The following SLTM variants were observed in gnomAD, a reference collection of about 807,000 sequenced individuals.
SLTM encodes the protein SAFB like transcription modulator.
In SLTM, 43 loss-of-function variants were observed where a neutral mutation model predicts 134.6. That is an observed-to-expected ratio of 0.32 (90% confidence interval 0.25 to 0.41). SLTM has a LOEUF of 0.41. Among genes scored for constraint, SLTM ranks in the 10% least tolerant of loss-of-function variants. The pLI is 1.00. For missense variants in SLTM, 1,055 were observed against 1,288.8 expected (o/e 0.82, Z 2.78); for synonymous variants, 424 against 432.3 (o/e 0.98, Z 0.24).
rs776075802 is a variant in SLTM at position 58,933,530 on chromosome 15, G to A, written c.36C>T (p.Ala12=). ...AAATGAVAAS[A]ASGQAEGKKI... ...TTTTACCTTCCGCCTGACCCGAGGC[G>A]GCCGAGGCTGCCACCGCACCGGTAG... The change falls in exon 1 of 21, where the codon GCC becomes GCT. Residue 12 remains alanine (A), a synonymous_variant. Transcript: ENST00000380516. The A allele has an allele frequency of 1.3e-6, 2 of 1,596,172 alleles. No individual in the cohort carries two copies. The highest frequency in any genetic ancestry group is 1.7e-6 in the Non-Finnish European group (2 of 1,172,626).
chr15:58,896,553 T>A (rs1446372624), intron 9 of SLTM, among the ~76,000 whole-genome samples: 2 of 151,936 alleles, frequency 1.3e-5, no homozygotes, highest in African/African-American at 4.8e-5. Flanking sequence ...ACAGTGAGAC[T>A]GTGTCTCAAA....
intron 3 of SLTM, among the ~76,000 whole-genome samples, chr15:58,915,315 GAC>G (rs1366212950): frequency 6.6e-6 from 1 of 152,184 alleles, no homozygotes; most frequent in Non-Finnish European, 1.5e-5. Flanking sequence ...ACATATAAGA[GAC>G]AGTACTATTG....
rs754021814 is a variant in SLTM at position 58,899,895 on chromosome 15, G to A, written c.632C>T (p.Pro211Leu). 58 of 1,613,632 alleles carry A rather than the reference G, an allele frequency of 3.6e-5. No homozygotes were observed. In the Admixed American group the frequency reaches 5.2e-4, roughly 14 times the overall value. Reference protein sequence around the residue: ...SGDGTQEVSKPLPSEGSLAEA... With the variant: ...SGDGTQEVSKLLPSEGSLAEA... ...AGCTAGGCTCCCTTCTGAAGGAAGA[G>A]GTTTAGATACTTCTTGTGTACCATC... The change falls in exon 7 of 21, where the codon CCT becomes CTT. Residue 211 changes from proline to leucine, a missense_variant. Pro to Leu is a moderately conservative substitution (Grantham distance 98). This residue lies in a region of SLTM where 268 missense variants were observed against 284.3 expected (regional missense o/e 0.94). Coordinates refer to ENST00000380516, the MANE Select transcript of SLTM (RefSeq NM_024755.4). This position sits in a 1 kb window ranked among gnomAD's most constrained non-coding sequence, Gnocchi z 5.0.
Position 58,892,895 on chromosome 15 carries a change from A to C in SLTM, c.1898+2T>G, listed in dbSNP as rs1595852206. On this transcript the variant is annotated splice_donor_variant, in intron 14 of 20. Coordinates refer to ENST00000380516, the MANE Select transcript of SLTM (RefSeq NM_024755.4). LOFTEE classifies it high-confidence loss of function. ...CAGGTATAAAACAGACTCTCTTCCTACCTTCGAAGTTCCATTGCTCGTCGC... is the reference window on the plus strand; with the variant it reads ...CAGGTATAAAACAGACTCTCTTCCTCCCTTCGAAGTTCCATTGCTCGTCGC... 1 of 1,612,766 alleles carries C rather than the reference A, an allele frequency of 6.2e-7. No homozygotes were observed. Among genetic ancestry groups the C allele is most frequent in the East Asian group, 2.2e-5 (1 of 44,842 alleles).
Position 58,892,703 on chromosome 15 carries a change from G to A in SLTM, c.1898+194C>T, listed in dbSNP as rs2034761231. Among the ~76,000 whole-genome samples, 4 of 152,290 alleles carry A rather than the reference G, an allele frequency of 2.6e-5. No individual in the cohort carries two copies. The South Asian group carries it at 8.3e-4, about 32-fold the overall frequency. On this transcript the variant is annotated intron_variant, in intron 14 of 20. Transcript: ENST00000380516. Reference sequence around the variant, plus strand: ...AGCCTTACAGAACTGTTGAGTTGGAGACAACAGATGGAAAAGCACTTTGTA... The same window carrying A: ...AGCCTTACAGAACTGTTGAGTTGGAAACAACAGATGGAAAAGCACTTTGTA...
chr15:58,887,323 T>G lies in SLTM; in HGVS notation c.2593A>C (p.Thr865Pro), dbSNP rs760129183. The change falls in exon 18 of 21, where the codon ACT becomes CCT. Residue 865 changes from threonine to proline, a missense_variant. Coordinates refer to ENST00000380516, the MANE Select transcript of SLTM (RefSeq NM_024755.4). ...GCCTCTCGAGGATGTCTAGGATGAGTGATATCAGGCCTGTCATGAATAATC... is the reference window on the plus strand; with the variant it reads ...GCCTCTCGAGGATGTCTAGGATGAGGGATATCAGGCCTGTCATGAATAATC... ...TVIIHDRPDITHPRHPREAGP... is the reference protein window; with the variant it reads ...TVIIHDRPDIPHPRHPREAGP... 2 of 1,614,050 alleles carry G rather than the reference T, an allele frequency of 1.2e-6. No homozygotes were observed. The highest frequency in any genetic ancestry group is 2.2e-5 in the South Asian group (2 of 91,074).
intron 5 of SLTM, among the ~76,000 whole-genome samples, chr15:58,904,867 C>T (rs960680906): frequency 1.3e-5 from 2 of 152,118 alleles, no homozygotes; most frequent in Admixed American, 6.5e-5. Context: ...CGTACCACTA[C>T]GCCCAGCTAA....
At chr15:58,890,536 T>G in intron 14 of SLTM, 75 bp from the exon 15 acceptor site, 1 of 1,445,260 alleles carries the variant, frequency 6.9e-7, no homozygotes, top group Non-Finnish European at 9.2e-7. Flanking sequence ...TGAATTTGAA[T>G]TTTTCCTTGA....
chr15:58,901,396 T>C (rs2035478730), intron 5 of SLTM, 109 bp from the exon 6 acceptor site: 2 of 855,380 alleles, frequency 2.3e-6, no homozygotes, highest in Admixed American at 2.5e-5. Flanking sequence ...AATGATATTA[T>C]TTAGGGATAC....
At position 58,898,783 on chromosome 15, in the gene SLTM, T is replaced by A. The variant is rs374647703; in HGVS notation, c.1108+20A>T. On this transcript the variant is annotated intron_variant, in intron 8 of 20. Transcript: ENST00000380516. ...TACACAATGTCAACACTGAAATAAA[T>A]AGGGAAAAAAATTCTTTACCTTTGT... The A allele has an allele frequency of 3.8e-6, 6 of 1,574,564 alleles. No homozygotes were observed. The highest frequency in any genetic ancestry group is 1.4e-5 in the African/African-American group (1 of 73,668).
In SLTM at chr15:58,894,504, T is replaced by A; in HGVS notation, c.1306A>T (p.Thr436Ser). ...TGTGCAATACACCTGGACACCTCTG[T>A]GCTTGAAGACATAGTTACAATGCCA... The part of the protein sequence containing the change: ...CYGIVTMSSS[T>S]EVSRCIAHLH... Residue 436 changes from threonine to serine, a missense_variant, in exon 10 of 21, where the codon ACA becomes TCA. Coordinates refer to ENST00000380516, the MANE Select transcript of SLTM (RefSeq NM_024755.4). The A allele has an allele frequency of 6.2e-7, 1 of 1,614,140 alleles. No homozygotes were observed. Among genetic ancestry groups the A allele is most frequent in the Non-Finnish European group, 8.5e-7 (1 of 1,180,018 alleles).
chr15:58,889,951 T>G, intron 15 of SLTM: 2 of 368,100 alleles, frequency 5.4e-6, no homozygotes, highest in East Asian at 5.4e-5. Context: ...CCCACTATAA[T>G]ATGTAAGGAA....
chr15:58,884,364 G>A (rs2034004442), intron 19 of SLTM, among the ~76,000 whole-genome samples: 1 of 152,124 alleles, frequency 6.6e-6, no homozygotes, highest in Non-Finnish European at 1.5e-5. Context: ...CTGTTGCCAG[G>A]CTGGAATGCA....
At position 58,892,983 on chromosome 15, in the gene SLTM, G is replaced by C; in HGVS notation, c.1812C>G (p.Ile604Met). 6.2e-7 allele frequency: 1 copy of C among 1,613,632 alleles called. No individual in the cohort carries two copies. The highest frequency in any genetic ancestry group is 8.5e-7 in the Non-Finnish European group (1 of 1,179,796). ...GTTCCTTCATCTTTTCAAAAGGCAA[G>C]ATCTCTTTCCTTCTGTAGTCTTTAT... ...KRDKDYRRKE[I>M]LPFEKMKEQR... Residue 604 changes from isoleucine to methionine, a missense_variant, in exon 14 of 21, where the codon ATC (isoleucine) becomes ATG (methionine). By Grantham distance (10) the Ile-to-Met change is conservative. Transcript: ENST00000380516.
In SLTM at chr15:58,881,937, G is replaced by A. The variant is rs182666585; in HGVS notation, c.2996+1689C>T. ...AAAAAATAGAGCCACACGGCCGGGC[G>A]CAGTGGCTCATGCCTGTAATCCTAG... is the stretch of plus-strand genomic sequence containing the variant. On this transcript the variant is annotated intron_variant, in intron 20 of 20. Coordinates refer to ENST00000380516, the MANE Select transcript of SLTM (RefSeq NM_024755.4). Among the ~76,000 whole-genome samples, 172 of 151,766 alleles carry A rather than the reference G, an allele frequency of 1.1e-3. 1 individual carries two copies. The highest frequency in any genetic ancestry group is 3.9e-3 in the African/African-American group (163 of 41,484).
intron 3 of SLTM, among the ~76,000 whole-genome samples, chr15:58,915,082 T>C (rs2036534512): frequency 6.6e-6 from 1 of 152,018 alleles, no homozygotes; most frequent in African/African-American, 2.4e-5. Flanking sequence ...TCCCAGCTAC[T>C]TGGGAGGCTG....
intron 5 of SLTM, among the ~76,000 whole-genome samples, chr15:58,908,714 A>C (rs1285785429): frequency 2.0e-5 from 3 of 152,330 alleles, no homozygotes; most frequent in East Asian, 3.9e-4. Flanking sequence ...AAAATAAATG[A>C]AACAAATCAA....
At chr15:58,914,339 A>T (rs2036483846) in intron 3 of SLTM, among the ~76,000 whole-genome samples, 2 of 152,214 alleles carry the variant, frequency 1.3e-5, no homozygotes, top group Non-Finnish European at 2.9e-5. Flanking sequence ...GAAAGCAATA[A>T]ACATTACTTC....
intron 13 of SLTM, 91 bp from the exon 14 acceptor site, chr15:58,893,151 A>C: frequency 7.1e-7 from 1 of 1,408,798 alleles, no homozygotes; most frequent in Non-Finnish European, 9.7e-7. Flanking sequence ...AGTTCAAATG[A>C]CTAGTAACAT....
Sources: gnomAD v4.1 joint callset for allele counts (sites outside exome capture counted in the v4.1 genomes callset) on GRCh38, gnomAD v4.1.1 for gene constraint, gnomAD v4.1.1 regional missense constraint, Gnocchi (gnomAD v3.1) non-coding constraint, MANE v1.5 for transcripts, NCBI Gene and HGNC (gene_info 2026-07-23, HGNC 2026-07-21) for gene names.